Variants in PTPRD observed in about 807,000 individuals in gnomAD.
The protein encoded by PTPRD is receptor-type tyrosine-protein phosphatase delta.
A neutral mutation model predicts 214.5 loss-of-function variants in PTPRD; 34 were observed. The ratio of observed to expected loss-of-function variants is 0.16; its 90% CI spans 0.12 to 0.21. The LOEUF is 0.21. Ranked by LOEUF, PTPRD falls within the 10% of genes least tolerant of loss-of-function variation. PTPRD has a pLI of 1.00. For synonymous variants in PTPRD, 1,128 were observed against 845.7 expected (o/e 1.33, Z -5.79); for missense variants, 2,545 against 2,398.7 (o/e 1.06, Z -1.27).
chr9:9,800,779 G>T (rs1056489256), intron 5 of PTPRD: 1 of 151,950 alleles, frequency 6.6e-6, no homozygotes, highest in Non-Finnish European at 1.5e-5. Context: ...GGTGTTCAAG[G>T]GTCAATAAAG....
chr9:9,130,077 T>C (rs1252969991), intron 10 of PTPRD, among the ~76,000 whole-genome samples: 1 of 152,192 alleles, frequency 6.6e-6, no homozygotes, highest in South Asian at 2.1e-4. Flanking sequence ...TGCTTGTCTA[T>C]CTTATGTTAA....
chr9:10,186,977 G>C (rs2099335355), intron 3 of PTPRD, among the ~76,000 whole-genome samples: 1 of 152,112 alleles, frequency 6.6e-6, no homozygotes. Context: ...CATACCAGGA[G>C]AGAAAAGGAA....
At chr9:10,318,470 C>T (rs982712996) in intron 3 of PTPRD, among the ~76,000 whole-genome samples, 2 of 151,980 alleles carry the variant, frequency 1.3e-5, no homozygotes, top group Non-Finnish European at 2.9e-5. Flanking sequence ...AGGCCTTACC[C>T]GTGCCTCTTA....
intron 5 of PTPRD, among the ~76,000 whole-genome samples, chr9:9,903,931 C>T (rs1424995989): frequency 1.3e-5 from 2 of 152,148 alleles, no homozygotes; most frequent in African/African-American, 4.8e-5. Context: ...GGGTCATTGA[C>T]TCACAACCTA....
At chr9:8,779,037 G>C (rs2095594072) in intron 11 of PTPRD, among the ~76,000 whole-genome samples, 1 of 152,102 alleles carries the variant, frequency 6.6e-6, no homozygotes, top group Admixed American at 6.6e-5. Flanking sequence ...GAAACGTAAA[G>C]CTCAAAGGGA....
intron 9 of PTPRD, among the ~76,000 whole-genome samples, chr9:9,371,097 GC>G (rs747924957): frequency 1.3e-5 from 2 of 152,024 alleles, no homozygotes; most frequent in Non-Finnish European, 2.9e-5. Context: ...TTCTCTGCCA[GC>G]CTTTGGTATC....
intron 12 of PTPRD, among the ~76,000 whole-genome samples, chr9:8,683,445 A>T (rs1332117276): frequency 6.6e-6 from 1 of 151,888 alleles, no homozygotes; most frequent in Non-Finnish European, 1.5e-5. Context: ...ATTACAGAGG[A>T]CATCAGTTGT....
chr9:10,166,930 G>A (rs1229500803), intron 3 of PTPRD, among the ~76,000 whole-genome samples: 2 of 152,000 alleles, frequency 1.3e-5, no homozygotes, highest in East Asian at 1.9e-4. Flanking sequence ...TATAGCATGT[G>A]CAAATTCTGT....
At chr9:8,712,169 T>A (rs1199150277) in intron 12 of PTPRD, among the ~76,000 whole-genome samples, 1 of 152,192 alleles carries the variant, frequency 6.6e-6, no homozygotes, top group Non-Finnish European at 1.5e-5. Flanking sequence ...ATAACTGTCT[T>A]ACAAATGTAT....
intron 5 of PTPRD, among the ~76,000 whole-genome samples, chr9:9,930,614 T>C (rs1000858248): frequency 8.5e-5 from 13 of 152,152 alleles, no homozygotes; most frequent in Non-Finnish European, 4.4e-5. Context: ...AATGTAATTT[T>C]TATTAAAAAT....
At chr9:8,863,117 GC>G (rs1339922710) in intron 11 of PTPRD, among the ~76,000 whole-genome samples, 1 of 152,174 alleles carries the variant, frequency 6.6e-6, no homozygotes, top group Non-Finnish European at 1.5e-5. Flanking sequence ...GCCTAGAAAA[GC>G]CATACCTCCT....
chr9:8,828,651 T>C (rs1358910996), intron 11 of PTPRD, among the ~76,000 whole-genome samples: 3 of 152,190 alleles, frequency 2.0e-5, no homozygotes, highest in Non-Finnish European at 2.9e-5. Flanking sequence ...CCAGGTTCTG[T>C]AGCAGTTGAA....
intron 2 of PTPRD, among the ~76,000 whole-genome samples, chr9:10,382,412 T>G (rs2097842930): frequency 6.6e-6 from 1 of 151,918 alleles, no homozygotes; most frequent in Non-Finnish European, 1.5e-5. Flanking sequence ...TACCTGGAAC[T>G]TCTGGATTCT....
intron 2 of PTPRD, among the ~76,000 whole-genome samples, chr9:10,505,969 G>C (rs566413579): frequency 2.0e-5 from 3 of 152,218 alleles, no homozygotes; most frequent in South Asian, 2.1e-4. Flanking sequence ...TCATAGTCTT[G>C]AGGTATGTCA....
chr9:10,573,431 A>G (rs1199029898), intron 2 of PTPRD, among the ~76,000 whole-genome samples: 1 of 152,210 alleles, frequency 6.6e-6, no homozygotes, highest in Non-Finnish European at 1.5e-5. Flanking sequence ...AGATATCCTC[A>G]TAGTGCACAC....
intron 44 of PTPRD, among the ~76,000 whole-genome samples, chr9:8,322,241 C>T (rs747945466): frequency 2.6e-5 from 4 of 151,888 alleles, no homozygotes; most frequent in Admixed American, 6.6e-5. Flanking sequence ...TCTAAGTGTT[C>T]AAGTGAAAGG....
chr9:10,063,254 T>C (rs1671987983), intron 3 of PTPRD, among the ~76,000 whole-genome samples: 3 of 152,104 alleles, frequency 2.0e-5, no homozygotes, highest in Admixed American at 1.3e-4. Flanking sequence ...CATACTGACA[T>C]AGCTACTCAA....
chr9:8,325,382 G>C (rs140190288), intron 44 of PTPRD, among the ~76,000 whole-genome samples: 6,085 of 148,894 alleles, frequency 0.041, 194 homozygotes, highest in Middle Eastern at 0.069. Flanking sequence ...CCTCAGGTTT[G>C]TCAAAGATAA....
intron 11 of PTPRD, among the ~76,000 whole-genome samples, chr9:8,946,061 A>G (rs367600433): frequency 6.6e-6 from 1 of 152,188 alleles, no homozygotes; most frequent in Non-Finnish European, 1.5e-5. Flanking sequence ...TCACTCATAC[A>G]AAACTAGGAA....
Sources: gnomAD v4.1 joint callset for allele counts (sites outside exome capture counted in the v4.1 genomes callset) on GRCh38, gnomAD v4.1.1 for gene constraint, MANE v1.5 for transcripts, NCBI Gene and HGNC (gene_info 2026-07-23, HGNC 2026-07-21) for gene names.